The following ITSN1 variants were observed in gnomAD, a reference collection of about 807,000 sequenced individuals.
ITSN1 encodes the protein intersectin 1.
Under a neutral mutation model 239.8 loss-of-function variants are expected in ITSN1, and 58 were observed. The ratio of observed to expected loss-of-function variants is 0.24; its 90% CI spans 0.20 to 0.30. The LOEUF (loss-of-function observed/expected upper bound fraction) is 0.30. ITSN1 is among the 10% of genes least tolerant of loss of function. ITSN1 has a pLI of 1.00. For missense variants in ITSN1, 1,558 were observed against 2,103.3 expected (o/e 0.74, Z 5.07); for synonymous variants, 780 against 770.8 (o/e 1.01, Z -0.20).
rs146071899 is a variant in ITSN1, at chr21:33,723,621, A to G, written c.185+970A>G. Among the ~76,000 whole-genome samples, 723 of 152,310 alleles carry G rather than the reference A, an allele frequency of 4.7e-3. 4 individuals are homozygous for G. The highest frequency in any genetic ancestry group is 0.016 in the African/African-American group (674 of 41,574). ...AGAGCGAGACTCCGTCTCCAAAAAA[A>G]AAAGAGCATGTGATTTGTAGTCGTA... On this transcript the variant is annotated intron_variant, in intron 4 of 39. Transcript: ENST00000381318.
chr21:33,744,726 C>T (rs999483591), intron 5 of ITSN1, among the ~76,000 whole-genome samples: 6 of 152,070 alleles, frequency 3.9e-5, no homozygotes, highest in East Asian at 1.9e-4. Flanking sequence ...GAAGCCAACC[C>T]GAAGAGGCTT....
chr21:33,685,003 A>G (rs1014954757), intron 1 of ITSN1, among the ~76,000 whole-genome samples: 3 of 152,250 alleles, frequency 2.0e-5, no homozygotes, highest in African/African-American at 7.2e-5. Context: ...GGAGAGTAGT[A>G]TCATTACCCA....
intron 1 of ITSN1, among the ~76,000 whole-genome samples, chr21:33,674,947 T>C (rs776789552): frequency 2.6e-5 from 4 of 152,136 alleles, no homozygotes; most frequent in Non-Finnish European, 4.4e-5. Context: ...TAATATATGC[T>C]CATTATAATG....
In ITSN1 at chr21:33,865,359, C is replaced by G; in HGVS notation, c.4074+25C>G. On this transcript the variant is annotated intron_variant, in intron 32 of 39. Transcript: ENST00000381318. The surrounding 1 kb of genome is among the most constrained non-coding windows in gnomAD (Gnocchi z 4.4). Reference sequence around the variant, plus strand: ...AGTAAGGAGCCAGGCTGTGCAGAGACTGGGCCCCAGAGTGGCGATCTTTGG... The same window carrying G: ...AGTAAGGAGCCAGGCTGTGCAGAGAGTGGGCCCCAGAGTGGCGATCTTTGG... 6.7e-7 allele frequency: 1 copy of G among 1,501,744 alleles called. No homozygotes were observed. Among genetic ancestry groups the G allele is most frequent in the Non-Finnish European group, 8.9e-7 (1 of 1,119,144 alleles). The allele number at this position is 1,501,744 out of a possible 1,614,324, so 93.0% of individuals were successfully genotyped here. A position where few individuals can be genotyped will look rare whatever the true frequency, so the allele number is the denominator to read the frequency against.
chr21:33,668,068 C>T (rs1164289074), intron 1 of ITSN1, among the ~76,000 whole-genome samples: 1 of 152,164 alleles, frequency 6.6e-6, no homozygotes. Flanking sequence ...ATTGGCTCCA[C>T]TTATGGCTTT....
At position 33,858,755 on chromosome 21, in the gene ITSN1, T is replaced by A; in HGVS notation, c.3853T>A (p.Trp1285Arg). ...AGAGGTTGCTATGATTTTTGTGAACTGGAAGGAGCTGATTATGTGTAATAT... is the reference window on the plus strand; with the variant it reads ...AGAGGTTGCTATGATTTTTGTGAACAGGAAGGAGCTGATTATGTGTAATAT... ...EKEVAMIFVN[W>R]KELIMCNIKL... The change falls in exon 31 of 40, where the codon TGG becomes AGG. Residue 1285 changes from tryptophan (W) to arginine (R), a missense_variant. Trp to Arg is a moderately radical substitution (Grantham distance 101, BLOSUM62 -3). Coordinates refer to ENST00000381318, the MANE Select transcript of ITSN1 (RefSeq NM_003024.3). 1 of 1,613,530 alleles carries A rather than the reference T, an allele frequency of 6.2e-7. No homozygotes were observed. Among genetic ancestry groups the A allele is most frequent in the Non-Finnish European group, 8.5e-7 (1 of 1,179,432 alleles).
intron 29 of ITSN1, among the ~76,000 whole-genome samples, chr21:33,845,923 G>C (rs1306539007): frequency 1.3e-5 from 2 of 152,228 alleles, no homozygotes; most frequent in African/African-American, 4.8e-5. Context: ...GGTGCCCACT[G>C]TGGCATCGTG....
At chr21:33,736,851 G>T (rs1471486388) in intron 5 of ITSN1, among the ~76,000 whole-genome samples, 1 of 152,148 alleles carries the variant, frequency 6.6e-6, no homozygotes, top group African/African-American at 2.4e-5. Flanking sequence ...CAGGCATAGT[G>T]GTGGGTGCCT....
chr21:33,893,864 C>A lies in ITSN1; in HGVS notation c.*5564C>A, dbSNP rs115215339. The A allele has an allele frequency of 6.6e-6, 1 of 150,694 alleles. No individual in the cohort carries two copies. Among genetic ancestry groups the A allele is most frequent in the African/African-American group, 2.4e-5 (1 of 40,862 alleles). The allele number at this position is 150,694 out of a possible 1,614,324, so 9.3% of individuals were successfully genotyped here. The stretch of plus-strand genomic sequence containing the variant: ...CTGTAGGAGCCAGAAAAAAAAAAAT[C>A]TATTCCTGATAGGCATGGAAACTTA... On this transcript the variant is annotated 3_prime_UTR_variant, in exon 40 of 40. Transcript: ENST00000381318.
intron 34 of ITSN1, among the ~76,000 whole-genome samples, chr21:33,881,959 AAAAAG>A (rs1383999419): frequency 6.6e-6 from 1 of 151,712 alleles, no homozygotes; most frequent in Non-Finnish European, 1.5e-5. Flanking sequence ...AAAAAAAAAA[AAAAAG>A]AAAAGAAAAA....
At chr21:33,696,251 A>T (rs951439736) in intron 1 of ITSN1, among the ~76,000 whole-genome samples, 2 of 152,166 alleles carry the variant, frequency 1.3e-5, no homozygotes, top group African/African-American at 4.8e-5. Context: ...AGCAGGAGGT[A>T]GCCAGCATCT....
In ITSN1 at chr21:33,811,056, G is replaced by A. The variant is rs1364132282; in HGVS notation, c.2401G>A (p.Ala801Thr). 6.2e-7 allele frequency: 1 copy of A among 1,614,184 alleles called. No homozygotes were observed. The highest frequency in any genetic ancestry group is 8.5e-7 in the Non-Finnish European group (1 of 1,180,026). ...GKTGWFPANYAEKIPENEVPA... is the reference protein window; with the variant it reads ...GKTGWFPANYTEKIPENEVPA... ...GACAGGGTGGTTCCCTGCAAACTAT[G>A]CAGAGAAAATCCCAGAAAATGAGGT... The change falls in exon 21 of 40, where the codon GCA becomes ACA. Residue 801 changes from alanine to threonine, a missense_variant. Coordinates refer to ENST00000381318, the MANE Select transcript of ITSN1 (RefSeq NM_003024.3).
intron 29 of ITSN1, among the ~76,000 whole-genome samples, chr21:33,854,132 T>C (rs1978864951): frequency 6.6e-6 from 1 of 152,194 alleles, no homozygotes; most frequent in Admixed American, 6.5e-5. Flanking sequence ...GCCCTAAAGG[T>C]GTGCATTGTA....
At position 33,823,481 on chromosome 21, in the gene ITSN1, C is replaced by T. The variant is rs1382634261; in HGVS notation, c.3017-6C>T. 6.2e-7 allele frequency: 1 copy of T among 1,611,490 alleles called. No homozygotes were observed. The highest frequency in any genetic ancestry group is 8.5e-7 in the Non-Finnish European group (1 of 1,178,612). ...CTCTCCGTATCTCAATATTTCTCCC[C>T]ACCAGAATTTATTGCCATGTACACT... On this transcript the variant is annotated splice_polypyrimidine_tract_variant and splice_region_variant and intron_variant, in intron 24 of 39. Transcript: ENST00000381318.
intron 1 of ITSN1, among the ~76,000 whole-genome samples, 159 bp downstream of exon 1, chr21:33,642,872 G>A (rs1163891520): frequency 6.6e-6 from 1 of 151,590 alleles, no homozygotes; most frequent in African/African-American, 2.4e-5. Flanking sequence ...GCGCCCGAGA[G>A]ACGGCAGCGG....
chr21:33,755,511 T>G (rs2067845814), intron 8 of ITSN1, 114 bp downstream of exon 8: 2 of 615,802 alleles, frequency 3.2e-6, no homozygotes, highest in East Asian at 5.7e-5. Flanking sequence ...TGGCAGTGTT[T>G]CCTTTGTCTC....
rs567652534 is a variant in ITSN1 at position 33,819,190 on chromosome 21, G to A, written c.2934-51G>A. On this transcript the variant is annotated intron_variant, in intron 23 of 39. Transcript: ENST00000381318. ...AACAGAAAAATCAGTGTCATTGTAC[G>A]ATTTTCTTTGAAGATAAAAATTAAA... The A allele has an allele frequency of 8.9e-5, 124 of 1,389,056 alleles. 1 individual carries two copies. Among genetic ancestry groups the A allele is most frequent in the Non-Finnish European group, 1.2e-4 (117 of 984,720 alleles). 86.0% of individuals were successfully genotyped at this position (1,389,056 alleles called of 1,614,324 possible). A position where few individuals can be genotyped will look rare whatever the true frequency, so the allele number is the denominator to read the frequency against.
chr21:33,851,479 A>G (rs11911181), intron 29 of ITSN1, among the ~76,000 whole-genome samples: 70,478 of 150,106 alleles, frequency 0.47, 17,423 homozygotes, highest in East Asian at 0.85. Context: ...GCTCACTGCA[A>G]CCTCCACCTC....
chr21:33,710,640 G>A (rs527960020), intron 1 of ITSN1, among the ~76,000 whole-genome samples: 11 of 151,596 alleles, frequency 7.3e-5, no homozygotes, highest in South Asian at 2.1e-4. Flanking sequence ...TTTTTGTAAC[G>A]TCTGTGAGGT....
Sources: allele counts gnomAD v4.1 joint callset (sites outside exome capture counted in the v4.1 genomes callset), GRCh38; gene constraint gnomAD v4.1.1; non-coding constraint Gnocchi (gnomAD v3.1); transcripts MANE v1.5; gene names NCBI Gene and HGNC (gene_info 2026-07-23, HGNC 2026-07-21).